AGBL1: variants seen among roughly 807,000 people sequenced by gnomAD.
The protein encoded by AGBL1 is cytosolic carboxypeptidase 4.
A neutral mutation model predicts 118.9 loss-of-function variants in AGBL1; 130 were observed. The observed-to-expected ratio is 1.09, with a 90% CI of 0.95 to 1.26. The LOEUF is 1.26. Among genes scored for constraint, AGBL1 ranks in the 50% most tolerant of loss-of-function variants. AGBL1 has a pLI of 0.00. For missense variants in AGBL1, 1,584 were observed against 1,298.1 expected, an observed-to-expected ratio of 1.22 and a Z score of -3.38; for synonymous variants, 555 against 478.9, an observed-to-expected ratio of 1.16 and a Z score of -2.08.
chr15:87,018,408 T>C (rs1032362820), intron 24 of AGBL1, among the ~76,000 whole-genome samples: 1 of 152,174 alleles, frequency 6.6e-6, no homozygotes, highest in African/African-American at 2.4e-5. Flanking sequence ...AGACTAACAA[T>C]GGACATCTCA....
chr15:86,933,977 G>A (rs2080635949), intron 23 of AGBL1, among the ~76,000 whole-genome samples: 1 of 152,178 alleles, frequency 6.6e-6, no homozygotes, highest in Non-Finnish European at 1.5e-5. Context: ...AATTGAACAA[G>A]TTGGGCAAGA....
intron 24 of AGBL1, among the ~76,000 whole-genome samples, chr15:87,026,199 A>C (rs116427934): frequency 0.011 from 1,667 of 152,146 alleles, 31 homozygotes; most frequent in African/African-American, 0.038. Context: ...CAAAAGGAAC[A>C]GTTAGCAGAG....
At chr15:86,125,366 A>C (rs1283781585) in intron 1 of AGBL1, among the ~76,000 whole-genome samples, 3 of 151,934 alleles carry the variant, frequency 2.0e-5, no homozygotes, top group Non-Finnish European at 4.4e-5. Context: ...CTCTCTCTCA[A>C]CTTCCGTTAA....
intron 7 of AGBL1, among the ~76,000 whole-genome samples, chr15:86,251,825 A>AG (rs2078820740): frequency 6.6e-6 from 1 of 151,954 alleles, no homozygotes; most frequent in Admixed American, 6.6e-5. Flanking sequence ...AAGATTGAAA[A>AG]AAAAAAAGAA....
chr15:86,380,903 C>T (rs928073212), intron 17 of AGBL1, among the ~76,000 whole-genome samples: 1 of 151,782 alleles, frequency 6.6e-6, no homozygotes, highest in Non-Finnish European at 1.5e-5. Flanking sequence ...CTACTCACTA[C>T]TCTTTGTTGT....
chr15:86,113,212 T>TTTTC (rs1555430663), intron 1 of AGBL1, among the ~76,000 whole-genome samples: 1 of 122,132 alleles, frequency 8.2e-6, no homozygotes, highest in Non-Finnish European at 1.7e-5. Context: ...TTTCTTTTTC[T>TTTTC]TTTTCTTTTC....
intron 21 of AGBL1, among the ~76,000 whole-genome samples, chr15:86,573,572 T>A (rs191367945): frequency 6.6e-6 from 1 of 152,350 alleles, no homozygotes; most frequent in East Asian, 1.9e-4. Context: ...TTTATCCTAG[T>A]TGTCTTTCAT....
intron 22 of AGBL1, among the ~76,000 whole-genome samples, chr15:86,710,301 C>T (rs113700428): frequency 2.6e-5 from 4 of 152,120 alleles, no homozygotes; most frequent in Non-Finnish European, 4.4e-5. Context: ...GAGAATTCAT[C>T]GCTTTACTTA....
At chr15:86,696,651 CTTG>C (rs900424334) in intron 22 of AGBL1, among the ~76,000 whole-genome samples, 2 of 151,458 alleles carry the variant, frequency 1.3e-5, no homozygotes, top group Non-Finnish European at 3.0e-5. Flanking sequence ...GCCTGAATAC[CTTG>C]TTGTTGTTTT....
intron 21 of AGBL1, among the ~76,000 whole-genome samples, chr15:86,569,257 C>A (rs1430109717): frequency 7.7e-6 from 1 of 130,184 alleles, no homozygotes; most frequent in African/African-American, 2.6e-5. Context: ...TATAGGCAGA[C>A]CCATCTCTAC....
At chr15:86,082,716 A>T (rs1331728164) in intron 1 of AGBL1, among the ~76,000 whole-genome samples, 2 of 152,222 alleles carry the variant, frequency 1.3e-5, no homozygotes, top group Non-Finnish European at 2.9e-5. Context: ...CACAACTTGA[A>T]AACAGCTTCT....
chr15:86,539,468 T>A (rs1038318266), intron 19 of AGBL1, among the ~76,000 whole-genome samples: 1 of 152,192 alleles, frequency 6.6e-6, no homozygotes, highest in African/African-American at 2.4e-5. Context: ...ACACTTCTGT[T>A]CTTCGTTCTA....
chr15:87,007,018 C>T (rs1297938220), intron 24 of AGBL1, among the ~76,000 whole-genome samples: 1 of 152,124 alleles, frequency 6.6e-6, no homozygotes, highest in African/African-American at 2.4e-5. Flanking sequence ...CATGCTCTAT[C>T]TGAATAATAC....
At chr15:86,395,605 G>T (rs2141987666) in intron 17 of AGBL1, among the ~76,000 whole-genome samples, 1 of 152,134 alleles carries the variant, frequency 6.6e-6, no homozygotes, top group East Asian at 1.9e-4. Context: ...CAAGACACCT[G>T]CTTAAGGGAA....
At chr15:86,945,929 C>G (rs901993502) in intron 23 of AGBL1, among the ~76,000 whole-genome samples, 3 of 152,186 alleles carry the variant, frequency 2.0e-5, no homozygotes, top group African/African-American at 4.8e-5. Flanking sequence ...ATAGCACTTT[C>G]ACATTAAAGT....
intron 23 of AGBL1, among the ~76,000 whole-genome samples, chr15:86,937,302 G>A (rs1034821900): frequency 9.2e-5 from 14 of 152,224 alleles, no homozygotes; most frequent in East Asian, 3.9e-4. Flanking sequence ...TCATTACTGC[G>A]CATATATCCA....
At chr15:86,242,441 A>G (rs1349673530) in intron 6 of AGBL1, among the ~76,000 whole-genome samples, 1 of 152,202 alleles carries the variant, frequency 6.6e-6, no homozygotes, top group Non-Finnish European at 1.5e-5. Context: ...TTTATTTTGG[A>G]TAAAGACTGA....
At chr15:86,328,659 A>C (rs2080223887) in intron 17 of AGBL1, among the ~76,000 whole-genome samples, 1 of 152,074 alleles carries the variant, frequency 6.6e-6, no homozygotes, top group African/African-American at 2.4e-5. Context: ...TATCTCATAA[A>C]ATTTGAGTGA....
At chr15:86,741,542 A>G (rs1209422625) in intron 22 of AGBL1, among the ~76,000 whole-genome samples, 1 of 152,006 alleles carries the variant, frequency 6.6e-6, no homozygotes, top group East Asian at 1.9e-4. Flanking sequence ...TGGTGGGGAC[A>G]ATGTTGAAGT....
Sources: allele counts gnomAD v4.1 joint callset (sites outside exome capture counted in the v4.1 genomes callset), GRCh38; gene constraint gnomAD v4.1.1; transcripts MANE v1.5; gene names NCBI Gene and HGNC (gene_info 2026-07-23, HGNC 2026-07-21).